Variants in CADM2 observed in about 807,000 individuals in gnomAD.
CADM2 encodes cell adhesion molecule 2.
In CADM2, 12 loss-of-function variants were observed where a neutral mutation model predicts 49.8. That is an observed-to-expected ratio of 0.24 (90% confidence interval 0.15 to 0.39). The LOEUF is 0.39. Among genes scored for constraint, CADM2 ranks in the 10% least tolerant of loss-of-function variants. The probability of loss-of-function intolerance (pLI) is 1.00; values close to 1 mark genes in which losing one functional copy is unlikely to be tolerated. For synonymous variants in CADM2, 214 were observed against 175.4 expected, an observed-to-expected ratio of 1.22 and a Z score of -1.74; for missense variants, 378 against 492.3, an observed-to-expected ratio of 0.77 and a Z score of 2.20.
intron 1 of CADM2, among the ~76,000 whole-genome samples, chr3:85,725,813 A>C (rs1203945254): frequency 6.6e-6 from 1 of 152,014 alleles, no homozygotes; most frequent in Non-Finnish European, 1.5e-5. Flanking sequence ...TGAATCATAT[A>C]ATTTTTATTT....
intron 1 of CADM2, among the ~76,000 whole-genome samples, chr3:85,650,879 A>G (rs1259224793): frequency 6.7e-6 from 1 of 148,912 alleles, no homozygotes; most frequent in Non-Finnish European, 1.5e-5. Context: ...CACATTATAT[A>G]CTTCTTTGTA....
chr3:85,793,283 C>A (rs1437930838), intron 2 of CADM2, among the ~76,000 whole-genome samples: 4 of 152,136 alleles, frequency 2.6e-5, no homozygotes, highest in Admixed American at 6.5e-5. Flanking sequence ...CTGAAACTAA[C>A]TTAGATGGTT....
At chr3:85,076,375 G>A (rs1247693018) in intron 1 of CADM2, among the ~76,000 whole-genome samples, 9 of 144,642 alleles carry the variant, frequency 6.2e-5, no homozygotes, top group Admixed American at 4.9e-4. Flanking sequence ...ATGGAGTCTC[G>A]CTCTGTCACC....
chr3:85,027,556 AT>A (rs1285735746), intron 1 of CADM2, among the ~76,000 whole-genome samples: 1 of 152,080 alleles, frequency 6.6e-6, no homozygotes, highest in East Asian at 1.9e-4. Context: ...ATTTCATAGT[AT>A]ATTTTATTTG....
intron 1 of CADM2, among the ~76,000 whole-genome samples, chr3:85,404,526 T>C (rs1240360390): frequency 6.6e-6 from 1 of 152,158 alleles, no homozygotes; most frequent in African/African-American, 2.4e-5. Context: ...TAAGTATTTA[T>C]TTTTGTTGAG....
intron 8 of CADM2, among the ~76,000 whole-genome samples, chr3:86,046,379 T>G (rs1167418249): frequency 6.6e-6 from 1 of 152,212 alleles, no homozygotes; most frequent in Non-Finnish European, 1.5e-5. Context: ...AAGTTGATAA[T>G]CTACCATATT....
chr3:85,526,944 G>T (rs2061171262), intron 1 of CADM2, among the ~76,000 whole-genome samples: 1 of 152,138 alleles, frequency 6.6e-6, no homozygotes, highest in African/African-American at 2.4e-5. Flanking sequence ...TTTAATCTGT[G>T]ATTTTTTAAC....
At chr3:85,556,683 A>G (rs1470451600) in intron 1 of CADM2, among the ~76,000 whole-genome samples, 2 of 152,144 alleles carry the variant, frequency 1.3e-5, no homozygotes, top group South Asian at 2.1e-4. Flanking sequence ...TTATTTCACA[A>G]TTTAGCTCTC....
chr3:86,051,189 C>A (rs1184978839), intron 8 of CADM2, among the ~76,000 whole-genome samples: 5 of 152,020 alleles, frequency 3.3e-5, no homozygotes, highest in African/African-American at 1.2e-4. Context: ...TGCCAGATAC[C>A]TTACATCAAC....
chr3:85,781,800 T>C (rs1471448200), intron 2 of CADM2, among the ~76,000 whole-genome samples: 1 of 152,184 alleles, frequency 6.6e-6, no homozygotes, highest in Non-Finnish European at 1.5e-5. Context: ...TTCACAAAGC[T>C]AAGTAATACC....
At chr3:85,231,362 T>C (rs1244821086) in intron 1 of CADM2, among the ~76,000 whole-genome samples, 8 of 152,124 alleles carry the variant, frequency 5.3e-5, no homozygotes, top group Admixed American at 5.2e-4. Context: ...TCATAGCTAC[T>C]AGTTTTTCTA....
At chr3:85,908,026 A>G (rs1368762737) in intron 5 of CADM2, among the ~76,000 whole-genome samples, 1 of 152,144 alleles carries the variant, frequency 6.6e-6, no homozygotes, top group Non-Finnish European at 1.5e-5. Flanking sequence ...CTCAAGGCAT[A>G]TAAGCACCAC....
intron 8 of CADM2, chr3:85,979,025 C>T (rs1727139754): frequency 1.3e-5 from 11 of 835,992 alleles, no homozygotes; most frequent in Non-Finnish European, 1.9e-5. Flanking sequence ...TTGTGTGACA[C>T]AGTTTTGTAC....
At chr3:85,371,748 G>T (rs867333269) in intron 1 of CADM2, among the ~76,000 whole-genome samples, 11 of 126,590 alleles carry the variant, frequency 8.7e-5, no homozygotes, top group East Asian at 4.9e-4. Flanking sequence ...ACCAAACCTG[G>T]ATCTAAAATA....
chr3:85,534,130 ATT>A (rs907538888), intron 1 of CADM2, among the ~76,000 whole-genome samples: 83 of 151,648 alleles, frequency 5.5e-4, no homozygotes, highest in Middle Eastern at 3.4e-3. Flanking sequence ...GAAAATAATA[ATT>A]TTTTTTTAAG....
At chr3:86,025,693 A>G (rs535316666) in intron 8 of CADM2, among the ~76,000 whole-genome samples, 2 of 152,346 alleles carry the variant, frequency 1.3e-5, no homozygotes, top group South Asian at 4.1e-4. Context: ...AGAGTAATTT[A>G]TTATGTAAAT....
chr3:86,036,724 A>G (rs1044827447), intron 8 of CADM2, among the ~76,000 whole-genome samples: 1 of 152,148 alleles, frequency 6.6e-6, no homozygotes, highest in Non-Finnish European at 1.5e-5. Context: ...GTAAAATGGG[A>G]ATTAAAAAGT....
intron 1 of CADM2, among the ~76,000 whole-genome samples, chr3:85,664,718 A>C (rs995169044): frequency 1.3e-5 from 2 of 151,908 alleles, no homozygotes; most frequent in African/African-American, 4.8e-5. Context: ...TTTCTCTGTT[A>C]TCTTTCCATT....
intron 1 of CADM2, among the ~76,000 whole-genome samples, chr3:85,549,530 G>A (rs868601956): frequency 7.6e-4 from 116 of 152,188 alleles, no homozygotes; most frequent in African/African-American, 2.6e-3. Flanking sequence ...GAACATAAAG[G>A]AATAAGAACA....
Sources: gnomAD v4.1 joint callset for allele counts (sites outside exome capture counted in the v4.1 genomes callset) on GRCh38, gnomAD v4.1.1 for gene constraint, MANE v1.5 for transcripts, NCBI Gene and HGNC (gene_info 2026-07-23, HGNC 2026-07-21) for gene names.